ERCC3: variants seen among roughly 807,000 people sequenced by gnomAD.
ERCC3 encodes ERCC excision repair 3, TFIIH core complex helicase subunit.
In ERCC3, 66 loss-of-function variants were observed where a neutral mutation model predicts 94.2. That is an observed-to-expected ratio of 0.70 (90% CI 0.57 to 0.86). The LOEUF is 0.86. Ranked by LOEUF, ERCC3 falls within the 40% of genes least tolerant of loss-of-function variation. ERCC3 has a pLI of 0.00. For missense variants in ERCC3, 829 were observed against 987.1 expected (o/e 0.84, Z 2.15); for synonymous variants, 349 against 369.1 (o/e 0.95, Z 0.63).
In ERCC3 at chr2:127,290,938, C is replaced by T. The variant is rs190536570; in HGVS notation, c.472-665G>A. ...CTCTACTAAAAATATAAAAATTAGCCGGGCATGGTGACGGGCGCCTATAAT... is the reference window on the plus strand; with the variant it reads ...CTCTACTAAAAATATAAAAATTAGCTGGGCATGGTGACGGGCGCCTATAAT... On this transcript the variant is annotated intron_variant, in intron 3 of 14. Transcript: ENST00000285398. 2.4e-3 allele frequency: 366 copies of T among 153,046 alleles called. 1 individual carries two copies. The highest frequency in any genetic ancestry group is 7.8e-3 in the African/African-American group (325 of 41,470). The allele number at this position is 153,046 out of a possible 1,614,324, so 9.5% of individuals were successfully genotyped here.
intron 1 of ERCC3, 142 bp downstream of exon 1, chr2:127,293,912 C>G: frequency 3.3e-6 from 5 of 1,526,752 alleles, no homozygotes; most frequent in Non-Finnish European, 4.4e-6. Flanking sequence ...ATCTCTCCCG[C>G]CCAAAGGCCT....
At chr2:127,287,084 T>C in intron 7 of ERCC3, 67 bp from the exon 8 acceptor site, 1 of 1,288,074 alleles carries the variant, frequency 7.8e-7, no homozygotes, top group Non-Finnish European at 1.1e-6. Context: ...ACAGGCAGAA[T>C]GACTCACAAG....
At chr2:127,269,040 A>C (rs1209600881) in intron 12 of ERCC3, among the ~76,000 whole-genome samples, 1 of 152,246 alleles carries the variant, frequency 6.6e-6, no homozygotes, top group Admixed American at 6.5e-5. Context: ...AATATGCCGC[A>C]CAAAGCAAGA....
chr2:127,289,988 G>C, intron 4 of ERCC3, 164 bp from the exon 5 acceptor site: 1 of 910,950 alleles, frequency 1.1e-6, no homozygotes, highest in East Asian at 2.6e-5. Context: ...TAACATATGA[G>C]GGTTGTGACT....
chr2:127,289,890 A>G (rs943426292), intron 4 of ERCC3, 66 bp from the exon 5 acceptor site: 3 of 1,541,344 alleles, frequency 1.9e-6, no homozygotes, highest in Non-Finnish European at 2.7e-6. Context: ...TCCACTGCTC[A>G]TTCAATTAGA....
At chr2:127,276,547 T>C in intron 10 of ERCC3, among the ~76,000 whole-genome samples, 1 of 149,448 alleles carries the variant, frequency 6.7e-6, no homozygotes, top group East Asian at 2.0e-4. Flanking sequence ...TCTCAGAAAT[T>C]AACAAGTCTC....
intron 5 of ERCC3, 86 bp from the exon 6 acceptor site, chr2:127,289,587 C>A (rs1191155538): frequency 6.2e-7 from 1 of 1,602,078 alleles, no homozygotes; most frequent in Non-Finnish European, 8.5e-7. Context: ...AGGGTAGAAC[C>A]AGCAGGGCTG....
rs755417060 is a variant in ERCC3 at position 127,272,940 on chromosome 2, C to T, written c.1752G>A (p.Thr584=). 4.2e-5 allele frequency: 67 copies of T among 1,610,440 alleles called. No homozygotes were observed. The highest frequency in any genetic ancestry group is 1.6e-4 in the Middle Eastern group (1 of 6,082). ...RLNKPYIYGP[T]SQGERMQILQ... ...GAATTTGCATCCTTTCCCCCTGAGA[C>T]GTAGGTCCGTAGATATAGGGTCTAG... is the stretch of plus-strand genomic sequence containing the variant. The change falls in exon 11 of 15, where the codon ACG becomes ACA. Residue 584 remains threonine (T), a synonymous_variant. Transcript: ENST00000285398.
At chr2:127,273,035 A>T (rs565439684) in intron 10 of ERCC3, 74 bp from the exon 11 acceptor site, 7 of 953,318 alleles carry the variant, frequency 7.3e-6, no homozygotes, top group Non-Finnish European at 1.2e-5. Context: ...AGAGGGAAAA[A>T]GGAGCTCAGG....
intron 12 of ERCC3, among the ~76,000 whole-genome samples, chr2:127,263,961 C>T (rs889836409): frequency 2.0e-5 from 3 of 152,072 alleles, no homozygotes; most frequent in African/African-American, 2.4e-5. Context: ...CCGCCCACCT[C>T]GGCCTCCCAA....
chr2:127,262,586 G>C (rs1213870858), intron 12 of ERCC3: 1 of 152,242 alleles, frequency 6.6e-6, no homozygotes, highest in Non-Finnish European at 1.5e-5. Flanking sequence ...GAAATGTCCA[G>C]AAAAGGCCTA....
intron 12 of ERCC3, among the ~76,000 whole-genome samples, chr2:127,267,861 A>G (rs2104742672): frequency 6.6e-6 from 1 of 152,194 alleles, no homozygotes; most frequent in African/African-American, 2.4e-5. Flanking sequence ...TTGCTCATGT[A>G]GCTTAGTTTG....
At chr2:127,288,632 C>G (rs776511339) in intron 7 of ERCC3, 28 bp downstream of exon 7, 1 of 1,597,052 alleles carries the variant, frequency 6.3e-7, no homozygotes, top group Non-Finnish European at 8.6e-7. Context: ...AACAGCCTGA[C>G]CACCTTCTTA....
Position 127,292,593 on chromosome 2 carries a change from TCTCAG to T in ERCC3, c.471+12_471+16del, listed in dbSNP as rs1685309253. 8 of 1,505,160 alleles carry T rather than the reference TCTCAG, an allele frequency of 5.3e-6. No homozygotes were observed. Among genetic ancestry groups the T allele is most frequent in the Non-Finnish European group, 7.4e-6 (8 of 1,081,190 alleles). 93.2% of individuals were successfully genotyped at this position (1,505,160 alleles called of 1,614,324 possible). A position where few individuals can be genotyped will look rare whatever the true frequency, so the allele number is the denominator to read the frequency against. On this transcript the variant is annotated intron_variant, in intron 3 of 14. Coordinates refer to ENST00000285398, the MANE Select transcript of ERCC3 (RefSeq NM_000122.2). ...TTAGCAGGGCAGGTGGAATTGCTGG[TCTCAG>T]CTGTCACTTGCCTTAATAAACTGCA... is the stretch of plus-strand genomic sequence containing the variant.
In ERCC3 at chr2:127,289,328, T is replaced by C; in HGVS notation, c.822+9A>G. 6.2e-7 allele frequency: 1 copy of C among 1,613,360 alleles called. No homozygotes were observed. The highest frequency in any genetic ancestry group is 8.5e-7 in the Non-Finnish European group (1 of 1,179,590). ...GTGAAGGAACCAGGAGGAAGGTACA[T>C]TCACTAACCTGCTTGACTTCAAAAG... On this transcript the variant is annotated intron_variant, in intron 6 of 14. Transcript: ENST00000285398.
At position 127,264,427 on chromosome 2, in the gene ERCC3, T is replaced by C. The variant is rs543510574; in HGVS notation, c.1946-3081A>G. Among the ~76,000 whole-genome samples the C allele has an allele frequency of 1.3e-3, 196 of 152,240 alleles. No individual in the cohort carries two copies. The highest frequency in any genetic ancestry group is 3.9e-3 in the Admixed American group (60 of 15,280). ...GTTGCAGTGAGCCAAGATTGCACCA[T>C]TGCACTCCAGCCTGGGCAACAAGAG... On this transcript the variant is annotated intron_variant, in intron 12 of 14. Coordinates refer to ENST00000285398, the MANE Select transcript of ERCC3 (RefSeq NM_000122.2). This position sits in a 1 kb window ranked among gnomAD's most constrained non-coding sequence, Gnocchi z 4.4.
At chr2:127,286,681 A>G (rs778197924) in intron 8 of ERCC3, 22 bp downstream of exon 8, 4 of 1,611,704 alleles carry the variant, frequency 2.5e-6, no homozygotes, top group Non-Finnish European at 3.4e-6. Flanking sequence ...GCAAGTGGAC[A>G]GCTCAGCTCC....
rs1163314372 is a variant in ERCC3, at chr2:127,271,268, T to C, written c.1945+68A>G. 1 of 1,087,018 alleles carries C rather than the reference T, an allele frequency of 9.2e-7. No individual in the cohort carries two copies. 67.3% of individuals were successfully genotyped at this position (1,087,018 alleles called of 1,614,324 possible). On this transcript the variant is annotated intron_variant, in intron 12 of 14. Transcript: ENST00000285398. This position sits in a 1 kb window ranked among gnomAD's most constrained non-coding sequence, Gnocchi z 5.0. ...GGGCACATGGCAGCTCTCACCCCTA[T>C]CGTCTTCCTAACTAAAGTGGTTTAA...
At position 127,286,819 on chromosome 2, in the gene ERCC3, GT is replaced by G. The variant is rs1685083155; in HGVS notation, c.1225del (p.Thr409ProfsTer30). The G allele has an allele frequency of 1.2e-6, 2 of 1,614,100 alleles. No individual in the cohort carries two copies. The highest frequency in any genetic ancestry group is 1.7e-6 in the Non-Finnish European group (2 of 1,180,050). ...GGTGGTGTGGCCCAGCATGGAGTAG[GT>G]GCTAATGGCAACGGAGCAGCCGATG... ...KPIGCSVAIS[T>X]YSMLGHTTKR... On this transcript the variant is annotated frameshift_variant, in exon 8 of 15. Transcript: ENST00000285398. LOFTEE classifies it high-confidence loss of function.
Sources: allele counts gnomAD v4.1 joint callset (sites outside exome capture counted in the v4.1 genomes callset), GRCh38; gene constraint gnomAD v4.1.1; non-coding constraint Gnocchi (gnomAD v3.1); transcripts MANE v1.5; gene names NCBI Gene and HGNC (gene_info 2026-07-23, HGNC 2026-07-21).